Variants in NAA25 observed in about 807,000 individuals in gnomAD.
NAA25 encodes N-alpha-acetyltransferase 25, NatB auxiliary subunit.
In NAA25, 30 loss-of-function variants were observed where a neutral mutation model predicts 132.5. The observed-to-expected ratio is 0.23, with a 90% CI of 0.17 to 0.31. The LOEUF is 0.31. Ranked by LOEUF, NAA25 falls within the 10% of genes least tolerant of loss-of-function variation. The probability of loss-of-function intolerance (pLI) is 1.00; values close to 1 mark genes in which losing one functional copy is unlikely to be tolerated. For missense variants in NAA25, 771 were observed against 1,150.4 expected (o/e 0.67, Z 4.77); for synonymous variants, 359 against 401.9 (o/e 0.89, Z 1.28).
intron 17 of NAA25, among the ~76,000 whole-genome samples, chr12:112,044,896 A>G (rs2078356386): frequency 1.3e-5 from 2 of 149,050 alleles, no homozygotes; most frequent in African/African-American, 4.9e-5. Flanking sequence ...AAAAAAAAAT[A>G]CAAAAAATTG....
At position 112,026,988 on chromosome 12, in the gene NAA25, T is replaced by C. The variant is rs535762143; in HGVS notation, c.*2543A>G. On this transcript the variant is annotated 3_prime_UTR_variant, in exon 24 of 24. Transcript: ENST00000261745. ...GCAACACAACTAGGCATTTGTACAT[T>C]TTCCATTATGTGGAGAACACTACAA... 1.9e-4 allele frequency: 29 copies of C among 152,718 alleles called. No individual in the cohort carries two copies. The highest frequency in any genetic ancestry group is 3.4e-3 in the Middle Eastern group (1 of 294). 9.5% of individuals were successfully genotyped at this position (152,718 alleles called of 1,614,324 possible).
chr12:112,089,387 C>T (rs962695896), intron 3 of NAA25, among the ~76,000 whole-genome samples: 1 of 152,182 alleles, frequency 6.6e-6, no homozygotes, highest in African/African-American at 2.4e-5. Context: ...AAGAAGTTGA[C>T]ATTATCTTGC....
At chr12:112,107,027 C>A (rs1021780764) in intron 1 of NAA25, among the ~76,000 whole-genome samples, 1 of 146,886 alleles carries the variant, frequency 6.8e-6, no homozygotes. Context: ...ATAATCCCAG[C>A]ACTTTGGGAG....
intron 6 of NAA25, 117 bp downstream of exon 6, chr12:112,078,517 C>A (rs977679218): frequency 1.7e-5 from 16 of 965,978 alleles, no homozygotes; most frequent in Non-Finnish European, 2.5e-5. Context: ...ACCCAAAGGC[C>A]AAAAGTGAGG....
chr12:112,074,352 A>G (rs1459481243), intron 9 of NAA25, among the ~76,000 whole-genome samples: 2 of 151,010 alleles, frequency 1.3e-5, no homozygotes, highest in African/African-American at 2.4e-5. Flanking sequence ...AAAAAAAAAA[A>G]AAAAAAAAAA....
At chr12:112,089,152 G>C (rs1157137594) in intron 3 of NAA25, among the ~76,000 whole-genome samples, 1 of 152,124 alleles carries the variant, frequency 6.6e-6, no homozygotes, top group Non-Finnish European at 1.5e-5. Context: ...TATAATCCCA[G>C]CACTTTGGGA....
At position 112,033,247 on chromosome 12, in the gene NAA25, T is replaced by C; in HGVS notation, c.2782A>G (p.Thr928Ala). 1 of 1,608,084 alleles carries C rather than the reference T, an allele frequency of 6.2e-7. No individual in the cohort carries two copies. Among genetic ancestry groups the C allele is most frequent in the Non-Finnish European group, 8.5e-7 (1 of 1,177,752 alleles). ...CAATCTCTTACCGGTGAGAGAGAAG[T>C]GTCTTCTAAAATAAGTTCTTCAAGT... The part of the protein sequence containing the change: ...LKLEELILED[T>A]SLSPEERKFS... The change falls in exon 23 of 24, where the codon ACT (threonine) becomes GCT (alanine). Residue 928 changes from threonine (T) to alanine (A), a missense_variant. Coordinates refer to ENST00000261745, the MANE Select transcript of NAA25 (RefSeq NM_024953.4).
At chr12:112,073,446 C>CT (rs1304417770) in intron 9 of NAA25, among the ~76,000 whole-genome samples, 3 of 151,780 alleles carry the variant, frequency 2.0e-5, no homozygotes, top group East Asian at 1.9e-4. Flanking sequence ...CATTTATTCA[C>CT]TTTTTTTTGA....
chr12:112,086,073 T>TATATATATATACAAACAC (rs759148501), intron 4 of NAA25, among the ~76,000 whole-genome samples: 1 of 53,964 alleles, frequency 1.9e-5, no homozygotes, highest in Non-Finnish European at 2.8e-5. Flanking sequence ...TATATATATA[T>TATATATATATACAAACAC]ACACACACAC....
chr12:112,075,250 A>G (rs375693485), intron 8 of NAA25, among the ~76,000 whole-genome samples: 4 of 151,128 alleles, frequency 2.6e-5, no homozygotes. Flanking sequence ...GTGCAGTGGC[A>G]TGATCTCAGC....
intron 16 of NAA25, 68 bp downstream of exon 16, chr12:112,048,224 G>T: frequency 6.9e-7 from 1 of 1,454,382 alleles, no homozygotes; most frequent in African/African-American, 1.4e-5. Context: ...ACACCCATGA[G>T]CCCATTAATG....
intron 1 of NAA25, among the ~76,000 whole-genome samples, chr12:112,105,159 A>C (rs1022839613): frequency 2.4e-4 from 37 of 151,046 alleles, no homozygotes; most frequent in African/African-American, 8.8e-4. Context: ...GTCTCTACAA[A>C]AAATACAAAA....
rs2078177830 is a variant in NAA25, at chr12:112,033,444, A to C, written c.2650-65T>G. 1.1e-5 allele frequency: 16 copies of C among 1,409,040 alleles called. No individual in the cohort carries two copies. In the South Asian group the frequency reaches 2.2e-4, roughly 20 times the overall value. The allele number at this position is 1,409,040 out of a possible 1,614,324, so 87.3% of individuals were successfully genotyped here. On this transcript the variant is annotated intron_variant, in intron 22 of 23. Coordinates refer to ENST00000261745, the MANE Select transcript of NAA25 (RefSeq NM_024953.4). ...CATATTACCCATATCTACATCACAA[A>C]AGCTACTGAAAGATGTGAGGGAATT... is the stretch of plus-strand genomic sequence containing the variant.
rs1020381535 is a variant in NAA25, at chr12:112,029,354, C to T, written c.*177G>A. 3.6e-5 allele frequency: 36 copies of T among 992,668 alleles called. No homozygotes were observed. The highest frequency in any genetic ancestry group is 6.4e-4 in the Middle Eastern group (2 of 3,148). The allele number at this position is 992,668 out of a possible 1,614,324, so 61.5% of individuals were successfully genotyped here. A position where few individuals can be genotyped will look rare whatever the true frequency, so the allele number is the denominator to read the frequency against. On this transcript the variant is annotated 3_prime_UTR_variant, in exon 24 of 24. Transcript: ENST00000261745. ...GAGGGTCCCGCTTCTGGTTTATATA[C>T]AATAATTTAATCAGTTGTATATATT...
At chr12:112,084,143 A>C (rs2079010828) in intron 4 of NAA25, among the ~76,000 whole-genome samples, 1 of 152,200 alleles carries the variant, frequency 6.6e-6, no homozygotes, top group Non-Finnish European at 1.5e-5. Flanking sequence ...TTTACAGGAA[A>C]AGAAAAGCCT....
At chr12:112,057,863 C>T (rs2078570715) in intron 13 of NAA25, among the ~76,000 whole-genome samples, 1 of 152,158 alleles carries the variant, frequency 6.6e-6, no homozygotes, top group South Asian at 2.1e-4. Flanking sequence ...CGCCTGTAGT[C>T]CCAGCTACCT....
At chr12:112,104,156 C>T (rs1002506796) in intron 1 of NAA25, among the ~76,000 whole-genome samples, 1 of 152,198 alleles carries the variant, frequency 6.6e-6, no homozygotes, top group African/African-American at 2.4e-5. Context: ...TATCTTACAC[C>T]TGATCCAGGC....
intron 5 of NAA25, among the ~76,000 whole-genome samples, chr12:112,080,843 C>T (rs1390669262): frequency 6.6e-6 from 1 of 151,986 alleles, no homozygotes; most frequent in African/African-American, 2.4e-5. Flanking sequence ...TGGTGTGCAC[C>T]TGTAGTCCCA....
rs1555238696 is a variant in NAA25, at chr12:112,086,051, A to AATATATATAT, written c.402+1622_402+1631dup. 3.6e-3 allele frequency among the ~76,000 whole-genome samples: 136 copies of AATATATATAT among 37,350 alleles called. 1 individual carries two copies. Among genetic ancestry groups the AATATATATAT allele is most frequent in the African/African-American group, 0.013 (72 of 5,532 alleles). 24.5% of individuals were successfully genotyped at this position (37,350 alleles called of 152,430 possible). A position where few individuals can be genotyped will look rare whatever the true frequency, so the allele number is the denominator to read the frequency against. On this transcript the variant is annotated intron_variant, in intron 4 of 23. Coordinates refer to ENST00000261745, the MANE Select transcript of NAA25 (RefSeq NM_024953.4). ...AAAAAAAAAAAAAAAAAAAAAAAAA[A>AATATATATAT]ATATATATATATATATATATATACA...
Sources: gnomAD v4.1 joint callset for allele counts (sites outside exome capture counted in the v4.1 genomes callset) on GRCh38, gnomAD v4.1.1 for gene constraint, MANE v1.5 for transcripts, NCBI Gene and HGNC (gene_info 2026-07-23, HGNC 2026-07-21) for gene names.